The following MGAT4C variants were observed in gnomAD, a reference collection of about 807,000 sequenced individuals.
MGAT4C encodes MGAT4 family member C.
In MGAT4C, 19 loss-of-function variants were observed where a neutral mutation model predicts 40.1. The ratio of observed to expected loss-of-function variants is 0.47; its 90% confidence interval spans 0.33 to 0.70. The LOEUF (loss-of-function observed/expected upper bound fraction) is 0.70, where lower values mean the gene tolerates loss of function less well. MGAT4C is among the 30% of genes least tolerant of loss of function. The probability of loss-of-function intolerance (pLI) is 0.02; values close to 1 mark genes in which losing one functional copy is unlikely to be tolerated. For missense variants in MGAT4C, 491 were observed against 563.2 expected, an observed-to-expected ratio of 0.87 and a Z score of 1.30; for synonymous variants, 181 against 187.1, an observed-to-expected ratio of 0.97 and a Z score of 0.27.
chr12:86,578,176 G>A (rs944247345), intron 2 of MGAT4C, among the ~76,000 whole-genome samples: 1 of 151,772 alleles, frequency 6.6e-6, no homozygotes, highest in Non-Finnish European at 1.5e-5. Flanking sequence ...CAAGATAGTC[G>A]AATAGGAGGG....
intron 1 of MGAT4C, among the ~76,000 whole-genome samples, chr12:86,224,401 A>C (rs1164285334): frequency 6.6e-6 from 1 of 152,224 alleles, no homozygotes; most frequent in Non-Finnish European, 1.5e-5. Flanking sequence ...TCATCTAGGC[A>C]GGAAAATCAA....
At chr12:86,210,596 C>G (rs1950424687) in intron 1 of MGAT4C, among the ~76,000 whole-genome samples, 1 of 152,176 alleles carries the variant, frequency 6.6e-6, no homozygotes, top group Admixed American at 6.5e-5. Flanking sequence ...TCTAGAAGCA[C>G]TTATGAAAGA....
At chr12:86,285,542 CA>C (rs1234844080) in intron 4 of MGAT4C, among the ~76,000 whole-genome samples, 3 of 151,756 alleles carry the variant, frequency 2.0e-5, no homozygotes, top group Non-Finnish European at 4.4e-5. Context: ...CAAATTTTGA[CA>C]AAAGTTAGAA....
intron 2 of MGAT4C, among the ~76,000 whole-genome samples, chr12:86,046,992 G>A (rs1046210890): frequency 1.5e-4 from 23 of 152,008 alleles, no homozygotes; most frequent in South Asian, 6.2e-4. Flanking sequence ...ACAGGTAATC[G>A]GTTTATTCTT....
intron 1 of MGAT4C, among the ~76,000 whole-genome samples, chr12:86,140,506 C>T (rs1009715831): frequency 3.3e-5 from 5 of 151,792 alleles, no homozygotes; most frequent in African/African-American, 9.7e-5. Flanking sequence ...CGGGGCCTGT[C>T]GGGGGGTGGG....
intron 2 of MGAT4C, among the ~76,000 whole-genome samples, chr12:86,630,069 A>T (rs1012694759): frequency 6.6e-6 from 1 of 152,176 alleles, no homozygotes; most frequent in African/African-American, 2.4e-5. Flanking sequence ...GATAAAAGGG[A>T]TATCACCACC....
intron 2 of MGAT4C, among the ~76,000 whole-genome samples, chr12:86,014,687 C>A (rs918722541): frequency 1.3e-5 from 2 of 151,988 alleles, no homozygotes; most frequent in African/African-American, 2.4e-5. Flanking sequence ...GGGGAAGAAA[C>A]CTAATGCCCC....
chr12:86,634,375 G>A (rs750920804), intron 2 of MGAT4C, among the ~76,000 whole-genome samples: 3 of 152,092 alleles, frequency 2.0e-5, no homozygotes, highest in Non-Finnish European at 4.4e-5. Flanking sequence ...TTATGGAGTT[G>A]TTTTAAGGTG....
chr12:86,504,971 A>G (rs1958445547), intron 2 of MGAT4C, among the ~76,000 whole-genome samples: 1 of 152,148 alleles, frequency 6.6e-6, no homozygotes, highest in Non-Finnish European at 1.5e-5. Flanking sequence ...TTAATTAGTT[A>G]AAGGATACAA....
At chr12:86,633,176 A>T (rs1963116789) in intron 2 of MGAT4C, among the ~76,000 whole-genome samples, 1 of 151,992 alleles carries the variant, frequency 6.6e-6, no homozygotes, top group Non-Finnish European at 1.5e-5. Context: ...TTAAGGCAGG[A>T]AGTCTGAGAA....
chr12:86,694,840 T>A (rs1279369481), intron 2 of MGAT4C, among the ~76,000 whole-genome samples: 1 of 152,194 alleles, frequency 6.6e-6, no homozygotes, highest in African/African-American at 2.4e-5. Flanking sequence ...GGCAGCTCTC[T>A]GGAACATTGG....
At position 85,962,163 on chromosome 12, in the gene MGAT4C, G is replaced by T. The variant is rs1164004077; in HGVS notation, c.*17126C>A. 6.6e-6 allele frequency: 1 copy of T among 151,724 alleles called. No individual in the cohort carries two copies. Among genetic ancestry groups the T allele is most frequent in the Non-Finnish European group, 1.5e-5 (1 of 67,736 alleles). 9.4% of individuals were successfully genotyped at this position (151,724 alleles called of 1,614,324 possible). A position where few individuals can be genotyped will look rare whatever the true frequency, so the allele number is the denominator to read the frequency against. Reference sequence around the variant, plus strand: ...GCTAGTGTGCACGAAAGAGAACATGGAGTTAGAATAATTATTGTAGGACTG... The same window carrying T: ...GCTAGTGTGCACGAAAGAGAACATGTAGTTAGAATAATTATTGTAGGACTG... On this transcript the variant is annotated 3_prime_UTR_variant, in exon 5 of 5. Transcript: ENST00000611864.
intron 1 of MGAT4C, among the ~76,000 whole-genome samples, chr12:86,774,144 G>A (rs529384443): frequency 3.3e-5 from 5 of 151,114 alleles, no homozygotes; most frequent in Admixed American, 6.6e-5. Context: ...AGTAAACATC[G>A]GATTTCACTA....
chr12:86,572,827 ATC>A (rs148759916), intron 2 of MGAT4C, among the ~76,000 whole-genome samples: 16 of 150,078 alleles, frequency 1.1e-4, no homozygotes, highest in Non-Finnish European at 1.0e-4. Context: ...TTATCAAATC[ATC>A]TCTCTCTCTC....
At chr12:86,090,743 C>G (rs1872736619) in intron 1 of MGAT4C, among the ~76,000 whole-genome samples, 1 of 151,880 alleles carries the variant, frequency 6.6e-6, no homozygotes, top group Admixed American at 6.6e-5. Flanking sequence ...TGGACTTCTT[C>G]TCCAGATTCA....
intron 1 of MGAT4C, among the ~76,000 whole-genome samples, chr12:86,160,276 C>G (rs983589610): frequency 6.6e-6 from 1 of 151,904 alleles, no homozygotes; most frequent in Admixed American, 6.6e-5. Flanking sequence ...TTATTTCTGC[C>G]TTAATTTCAA....
intron 1 of MGAT4C, among the ~76,000 whole-genome samples, chr12:86,134,050 A>G (rs1282342077): frequency 6.6e-6 from 1 of 152,148 alleles, no homozygotes; most frequent in Non-Finnish European, 1.5e-5. Flanking sequence ...TTCAAGAAGA[A>G]AAAACAGCAT....
At chr12:86,761,134 T>C (rs1396343413) in intron 1 of MGAT4C, among the ~76,000 whole-genome samples, 1 of 152,162 alleles carries the variant, frequency 6.6e-6, no homozygotes, top group East Asian at 1.9e-4. Flanking sequence ...GCATAATGTT[T>C]TGGAAAGTTG....
intron 1 of MGAT4C, among the ~76,000 whole-genome samples, chr12:86,768,014 T>C (rs370601292): frequency 1.6e-4 from 24 of 152,198 alleles, no homozygotes; most frequent in East Asian, 5.8e-4. Context: ...AAGTTCTGGC[T>C]AGGGCAATTA....
Sources: gnomAD v4.1 joint callset for allele counts (sites outside exome capture counted in the v4.1 genomes callset) on GRCh38, gnomAD v4.1.1 for gene constraint, MANE v1.5 for transcripts, NCBI Gene and HGNC (gene_info 2026-07-23, HGNC 2026-07-21) for gene names.